RAB17: variants seen among roughly 807,000 people sequenced by gnomAD.
RAB17 encodes RAB17, member RAS oncogene family, also known as ras-related protein Rab-17.
A neutral mutation model predicts 19.3 loss-of-function variants in RAB17; 15 were observed. The observed-to-expected ratio is 0.78, with a 90% CI of 0.52 to 1.20. The LOEUF (loss-of-function observed/expected upper bound fraction) is 1.20. Ranked by LOEUF, RAB17 falls within the 50% of genes most tolerant of loss-of-function variation. The pLI, the probability that RAB17 is intolerant of heterozygous loss-of-function variation, is 0.00. For missense variants in RAB17, 262 were observed against 269.3 expected (o/e 0.97, Z 0.19); for synonymous variants, 110 against 112.8 (o/e 0.97, Z 0.16).
intron 2 of RAB17, among the ~76,000 whole-genome samples, chr2:237,585,717 C>T (rs553324010): frequency 2.0e-5 from 3 of 152,306 alleles, no homozygotes; most frequent in African/African-American, 4.8e-5. Context: ...GCACCCAGCC[C>T]GACCCTTTGG....
intron 4 of RAB17, 73 bp from the exon 5 acceptor site, chr2:237,575,553 CA>C: frequency 8.8e-7 from 1 of 1,133,056 alleles, no homozygotes; most frequent in Non-Finnish European, 1.3e-6. Flanking sequence ...TCACTTCCAA[CA>C]GTAAGATCCG....
At chr2:237,578,421 C>A (rs941240555) in intron 2 of RAB17, 11 of 356,466 alleles carry the variant, frequency 3.1e-5, no homozygotes, top group African/African-American at 2.0e-4. Context: ...GGACCTAATA[C>A]AAAAGCTCTG....
At chr2:237,577,446 A>AG in intron 3 of RAB17, 64 bp from the exon 4 acceptor site, 1 of 1,522,638 alleles carries the variant, frequency 6.6e-7, no homozygotes, top group South Asian at 1.2e-5. Flanking sequence ...CTATTCCGGG[A>AG]GGGGGAAGCC....
At chr2:237,583,505 A>G (rs1158234714) in intron 2 of RAB17, among the ~76,000 whole-genome samples, 1 of 152,188 alleles carries the variant, frequency 6.6e-6, no homozygotes, top group African/African-American at 2.4e-5. Flanking sequence ...GAGCTTCCAC[A>G]TTTCTAACCC....
Position 237,574,988 on chromosome 2 carries a change from T to G in RAB17, c.*31A>C. On this transcript the variant is annotated 3_prime_UTR_variant, in exon 6 of 6. Transcript: ENST00000264601. ...CTGGCCATGGCCCAGGCAGGGGGTG[T>G]CTTCCCCACAGCCCCCAGGAGTGGC... is the stretch of plus-strand genomic sequence containing the variant. The G allele has an allele frequency of 6.7e-7, 1 of 1,502,810 alleles. No individual in the cohort carries two copies. 93.1% of individuals were successfully genotyped at this position (1,502,810 alleles called of 1,614,324 possible).
chr2:237,590,165 G>GTT (rs11308748), intron 1 of RAB17, among the ~76,000 whole-genome samples: 3 of 147,918 alleles, frequency 2.0e-5, no homozygotes, highest in African/African-American at 7.4e-5. Flanking sequence ...AGTTTTTTGT[G>GTT]TTTTTTTTTT....
chr2:237,575,326 C>T, intron 5 of RAB17, 61 bp downstream of exon 5: 1 of 1,368,690 alleles, frequency 7.3e-7, no homozygotes, highest in Non-Finnish European at 1.0e-6. Flanking sequence ...AACAGGGACC[C>T]AGGGAAGTTG....
In RAB17 at chr2:237,574,688, G is replaced by T. The variant is rs8184; in HGVS notation, c.*331C>A. On this transcript the variant is annotated 3_prime_UTR_variant, in exon 6 of 6. Coordinates refer to ENST00000264601, the MANE Select transcript of RAB17 (RefSeq NM_022449.4). ...GGCATCTTCCCACCGTCGCTGTGCT[G>T]CGGGGACTTTTCCAATCCTTCCTTC... The T allele has an allele frequency of 1.4e-6, 2 of 1,437,558 alleles. No individual in the cohort carries two copies. The highest frequency in any genetic ancestry group is 1.8e-6 in the Non-Finnish European group (2 of 1,095,048). 89.1% of individuals were successfully genotyped at this position (1,437,558 alleles called of 1,614,324 possible).
Position 237,588,529 on chromosome 2 carries a change from G to A in RAB17, c.-4+1938C>T, listed in dbSNP as rs1365304662. On this transcript the variant is annotated intron_variant, in intron 1 of 5. Coordinates refer to ENST00000264601, the MANE Select transcript of RAB17 (RefSeq NM_022449.4). ...GACAGGCTCTCAGAGGTCAAGGCAC[G>A]GCCCAGACTTTCCACCCTTTGGTGG... is the stretch of plus-strand genomic sequence containing the variant. 3.3e-5 allele frequency among the ~76,000 whole-genome samples: 5 copies of A among 152,108 alleles called. No individual in the cohort carries two copies. In the East Asian group the frequency reaches 5.8e-4, roughly 18 times the overall value.
intron 1 of RAB17, among the ~76,000 whole-genome samples, chr2:237,587,741 A>C (rs2081360852): frequency 6.6e-6 from 1 of 152,104 alleles, no homozygotes; most frequent in African/African-American, 2.4e-5. Context: ...ACCCCATCTT[A>C]GCTGGAAATA....
chr2:237,575,309 C>A, intron 5 of RAB17, 78 bp downstream of exon 5: 1 of 1,237,044 alleles, frequency 8.1e-7, no homozygotes, highest in Non-Finnish European at 1.2e-6. Context: ...GATACCACGT[C>A]ACCAGCAACA....
intron 3 of RAB17, 45 bp downstream of exon 3, chr2:237,577,959 G>C (rs1260184306): frequency 1.3e-5 from 21 of 1,558,870 alleles, no homozygotes; most frequent in Non-Finnish European, 1.7e-5. Context: ...CCAGAAGGCA[G>C]GTGCTTGGGA....
intron 3 of RAB17, 176 bp downstream of exon 3, chr2:237,577,827 GA>G: frequency 1.4e-6 from 1 of 697,702 alleles, no homozygotes; most frequent in Non-Finnish European, 2.4e-6. Context: ...CGGAGGAGCA[GA>G]ACCCCACTGT....
At chr2:237,587,854 A>AAG (rs149283968) in intron 1 of RAB17, among the ~76,000 whole-genome samples, 10,974 of 106,826 alleles carry the variant, frequency 0.1, 500 homozygotes, top group South Asian at 0.13. Flanking sequence ...AAAGAAAAGA[A>AAG]AAAGAAAGAA....
chr2:237,576,232 G>A (rs944575451), intron 4 of RAB17, among the ~76,000 whole-genome samples: 9 of 152,052 alleles, frequency 5.9e-5, no homozygotes, highest in African/African-American at 1.4e-4. Flanking sequence ...GTCCTGGCCC[G>A]GAGATCCCTC....
chr2:237,574,793 T>G lies in RAB17; in HGVS notation c.*226A>C. 1 of 998,252 alleles carries G rather than the reference T, an allele frequency of 1.0e-6. No homozygotes were observed. Among genetic ancestry groups the G allele is most frequent in the African/African-American group, 1.6e-5 (1 of 60,800 alleles). The allele number at this position is 998,252 out of a possible 1,614,324, so 61.8% of individuals were successfully genotyped here. ...ACAGGCATCGGGGAATCAGATGGTA[T>G]CAGTGGGGATAGGGCACAGCACTTT... is the stretch of plus-strand genomic sequence containing the variant. On this transcript the variant is annotated 3_prime_UTR_variant, in exon 6 of 6. Coordinates refer to ENST00000264601, the MANE Select transcript of RAB17 (RefSeq NM_022449.4).
Position 237,588,570 on chromosome 2 carries a change from C to CG in RAB17, c.-4+1896dup, listed in dbSNP as rs564048146. ...CCTTTGGTGGAAGGGGAAAGGGTAG[C>CG]GGGGGCGGGGTGAGGGAAAAAAGAC... On this transcript the variant is annotated intron_variant, in intron 1 of 5. Transcript: ENST00000264601. Among the ~76,000 whole-genome samples, 19 of 152,084 alleles carry CG rather than the reference C, an allele frequency of 1.2e-4. No homozygotes were observed. The South Asian group carries it at 3.9e-3, about 32-fold the overall frequency.
chr2:237,578,437 C>T (rs995240616), intron 2 of RAB17: 79 of 301,934 alleles, frequency 2.6e-4, no homozygotes, highest in African/African-American at 1.5e-3. Context: ...CTCTGGGCTA[C>T]ATATGCCGTG....
Position 237,577,305 on chromosome 2 carries a change from C to T in RAB17, c.387G>A (p.Leu129=). The T allele has an allele frequency of 6.2e-7, 1 of 1,613,958 alleles. No individual in the cohort carries two copies. The highest frequency in any genetic ancestry group is 8.5e-7 in the Non-Finnish European group (1 of 1,179,936). Residue 129 remains leucine (L), a synonymous_variant, in exon 4 of 6, where the codon CTG becomes CTA. Coordinates refer to ENST00000264601, the MANE Select transcript of RAB17 (RefSeq NM_022449.4). ...GGCTGAGGTCCGTCTTGTTGCCCAC[C>T]AGCATCACCAGGACTTCTCCTGGGT... ...ELHPGEVLVM[L]VGNKTDLSQE...
Sources: gnomAD v4.1 joint callset for allele counts (sites outside exome capture counted in the v4.1 genomes callset) on GRCh38, gnomAD v4.1.1 for gene constraint, MANE v1.5 for transcripts, NCBI Gene and HGNC (gene_info 2026-07-23, HGNC 2026-07-21) for gene names.